Variants in SORT1 observed in about 807,000 individuals in gnomAD.
The protein encoded by SORT1 is sortilin.
Under a neutral mutation model 101.7 loss-of-function variants are expected in SORT1, and 39 were observed. The observed-to-expected ratio is 0.38, with a 90% confidence interval of 0.30 to 0.50. The LOEUF (loss-of-function observed/expected upper bound fraction) is 0.50, where lower values mean the gene tolerates loss of function less well. Among genes scored for constraint, SORT1 ranks in the 20% least tolerant of loss-of-function variants. The pLI is 0.90. For synonymous variants in SORT1, 396 were observed against 393.7 expected, an observed-to-expected ratio of 1.01 and a Z score of -0.07; for missense variants, 878 against 1,040.4, an observed-to-expected ratio of 0.84 and a Z score of 2.15.
chr1:109,375,359 A>G (rs1041342099), intron 1 of SORT1, among the ~76,000 whole-genome samples: 4 of 151,938 alleles, frequency 2.6e-5, no homozygotes, highest in African/African-American at 4.8e-5. Flanking sequence ...TCAGGAGATC[A>G]AGACCATCCC....
At chr1:109,345,568 C>T (rs561343555) in intron 8 of SORT1, among the ~76,000 whole-genome samples, 183 bp downstream of exon 8, 1 of 151,766 alleles carries the variant, frequency 6.6e-6, no homozygotes, top group African/African-American at 2.4e-5. Flanking sequence ...TGACAGAAGG[C>T]CAAAGTGCAG....
intron 1 of SORT1, among the ~76,000 whole-genome samples, chr1:109,371,676 G>A (rs1028059678): frequency 6.6e-6 from 1 of 152,164 alleles, no homozygotes; most frequent in African/African-American, 2.4e-5. Context: ...AGAATGAGGA[G>A]GATTATCACG....
chr1:109,326,427 GAATATA>G (rs1438900115), intron 13 of SORT1, among the ~76,000 whole-genome samples: 1 of 45,668 alleles, frequency 2.2e-5, no homozygotes, highest in African/African-American at 9.5e-5. Flanking sequence ...TAGACAGAAA[GAATATA>G]TATATATATA....
At chr1:109,341,039 C>CTCAA (rs879349126) in intron 9 of SORT1, among the ~76,000 whole-genome samples, 160 bp from the exon 10 acceptor site, 20 of 152,188 alleles carry the variant, frequency 1.3e-4, no homozygotes, top group Non-Finnish European at 1.3e-4. Flanking sequence ...AGGTTTGATA[C>CTCAA]TCAAGATCTT....
chr1:109,316,850 C>G lies in SORT1; in HGVS notation c.2250G>C (p.Gln750His). ...CTSNFLSPEKQNSKSNSVPII... is the reference protein window; with the variant it reads ...CTSNFLSPEKHNSKSNSVPII... ...GAAAACTAGACCTATTTTAACATAC[C>G]TGTTTTTCCGGACTCAAAAAGTTGC... The change falls in exon 17 of 20, where the codon CAG becomes CAC. Residue 750 changes from glutamine (Q) to histidine (H), a missense_variant and splice_region_variant. Physicochemically the swap from Gln to His is conservative, Grantham distance 24 (BLOSUM62 0). Coordinates refer to ENST00000256637, the MANE Select transcript of SORT1 (RefSeq NM_002959.7). 4 of 1,584,942 alleles carry G rather than the reference C, an allele frequency of 2.5e-6. No homozygotes were observed. Among genetic ancestry groups the G allele is most frequent in the Non-Finnish European group, 3.5e-6 (4 of 1,157,876 alleles).
chr1:109,373,640 C>T (rs1051513347), intron 1 of SORT1, among the ~76,000 whole-genome samples: 3 of 152,156 alleles, frequency 2.0e-5, no homozygotes, highest in African/African-American at 4.8e-5. Flanking sequence ...AACGCTGTGC[C>T]GGTCCCGCCT....
At chr1:109,356,778 G>A (rs543574940) in intron 3 of SORT1, among the ~76,000 whole-genome samples, 1 of 152,328 alleles carries the variant, frequency 6.6e-6, no homozygotes, top group East Asian at 1.9e-4. Context: ...TCTTTGAGAA[G>A]TATTCGAATC....
chr1:109,397,494 G>T, intron 1 of SORT1, 93 bp downstream of exon 1: 1 of 866,780 alleles, frequency 1.2e-6, no homozygotes, highest in Non-Finnish European at 1.4e-6. Context: ...CAGGGCTGGG[G>T]TCTCCTCCGG....
At chr1:109,364,372 T>G (rs1272041798) in intron 3 of SORT1, among the ~76,000 whole-genome samples, 1 of 152,172 alleles carries the variant, frequency 6.6e-6, no homozygotes, top group African/African-American at 2.4e-5. Flanking sequence ...ACAAACAGCC[T>G]TTAAAACACG....
chr1:109,319,625 G>A (rs1345349926), intron 15 of SORT1, among the ~76,000 whole-genome samples: 1 of 152,146 alleles, frequency 6.6e-6, no homozygotes, highest in Non-Finnish European at 1.5e-5. Context: ...CTAGCACTTG[G>A]GAGGCCGAGG....
At chr1:109,372,429 T>C (rs778333834) in intron 1 of SORT1, among the ~76,000 whole-genome samples, 3 of 152,140 alleles carry the variant, frequency 2.0e-5, no homozygotes, top group East Asian at 1.9e-4. Context: ...GAACTACTTA[T>C]GAAGTTTTGA....
chr1:109,354,723 G>A (rs1322014147), intron 4 of SORT1, among the ~76,000 whole-genome samples, 192 bp from the exon 5 acceptor site: 2 of 152,164 alleles, frequency 1.3e-5, no homozygotes, highest in African/African-American at 4.8e-5. Flanking sequence ...ACCCTGAACT[G>A]AGCTGGGACA....
intron 8 of SORT1, among the ~76,000 whole-genome samples, chr1:109,343,200 T>C (rs1299182257): frequency 6.6e-6 from 1 of 152,210 alleles, no homozygotes; most frequent in Non-Finnish European, 1.5e-5. Context: ...CACAGGGTTA[T>C]TGGGAGGATA....
chr1:109,337,821 T>C (rs1321642024), intron 10 of SORT1, among the ~76,000 whole-genome samples: 1 of 152,140 alleles, frequency 6.6e-6, no homozygotes, highest in African/African-American at 2.4e-5. Context: ...AGACTGGGTT[T>C]CACCATATTG....
intron 1 of SORT1, chr1:109,393,050 A>C (rs1653004610): frequency 1.0e-6 from 1 of 985,268 alleles, no homozygotes; most frequent in African/African-American, 1.7e-5. Context: ...GGTGTTACAA[A>C]GGTCTGGCGA....
intron 1 of SORT1, among the ~76,000 whole-genome samples, chr1:109,381,862 T>C (rs377713795): frequency 5.0e-4 from 76 of 151,280 alleles, no homozygotes; most frequent in Admixed American, 7.9e-4. Context: ...AGATTGTCCC[T>C]TAAAAAAGAA....
intron 3 of SORT1, chr1:109,367,028 C>T (rs1651139685): frequency 6.2e-6 from 1 of 161,150 alleles, no homozygotes; most frequent in Admixed American, 6.4e-5. Context: ...GAGCTCAATA[C>T]AAGCCTAGGC....
intron 1 of SORT1, among the ~76,000 whole-genome samples, chr1:109,396,090 A>C (rs531170731): frequency 6.6e-6 from 1 of 152,274 alleles, no homozygotes; most frequent in African/African-American, 2.4e-5. Flanking sequence ...TCTCAAAAAA[A>C]AAATAGTAAT....
intron 1 of SORT1, among the ~76,000 whole-genome samples, chr1:109,381,208 T>C (rs1404071390): frequency 6.6e-6 from 1 of 152,196 alleles, no homozygotes; most frequent in African/African-American, 2.4e-5. Flanking sequence ...AGATGTCATA[T>C]GTTGGGGTGA....
Sources: gnomAD v4.1 joint callset for allele counts (sites outside exome capture counted in the v4.1 genomes callset) on GRCh38, gnomAD v4.1.1 for gene constraint, MANE v1.5 for transcripts, NCBI Gene and HGNC (gene_info 2026-07-23, HGNC 2026-07-21) for gene names.